The following AUTS2 variants were observed in gnomAD, a reference collection of about 807,000 sequenced individuals.
AUTS2 encodes the protein autism susceptibility gene 2 protein.
A neutral mutation model predicts 112.4 loss-of-function variants in AUTS2; 17 were observed. The ratio of observed to expected loss-of-function variants is 0.15; its 90% CI spans 0.10 to 0.23. AUTS2 has a LOEUF of 0.23. AUTS2 is among the 10% of genes least tolerant of loss of function. The probability of loss-of-function intolerance (pLI) is 1.00; values close to 1 mark genes in which losing one functional copy is unlikely to be tolerated. For synonymous variants in AUTS2, 751 were observed against 702.7 expected (o/e 1.07, Z -1.09); for missense variants, 1,510 against 1,701.6 (o/e 0.89, Z 1.98).
chr7:70,553,760 C>CTTTT (rs71531706), intron 5 of AUTS2, among the ~76,000 whole-genome samples: 2,099 of 56,014 alleles, frequency 0.037, 26 homozygotes, highest in African/African-American at 0.055. Flanking sequence ...GCCTTTCTTT[C>CTTTT]TTTTTTTTTT....
intron 2 of AUTS2, among the ~76,000 whole-genome samples, chr7:69,929,525 T>C (rs548197225): frequency 6.6e-6 from 1 of 152,130 alleles, no homozygotes; most frequent in Non-Finnish European, 1.5e-5. Flanking sequence ...TCCTAGAGTT[T>C]CCTGTGCTAC....
chr7:69,614,422 T>G (rs3886905), intron 1 of AUTS2, among the ~76,000 whole-genome samples: 62,735 of 104,654 alleles, frequency 0.6, 22,177 homozygotes, highest in East Asian at 0.7. Flanking sequence ...GCAGTAATCA[T>G]AGCTCACTGC....
intron 5 of AUTS2, among the ~76,000 whole-genome samples, chr7:70,464,343 C>T (rs1797090172): frequency 6.6e-6 from 1 of 152,188 alleles, no homozygotes; most frequent in African/African-American, 2.4e-5. Flanking sequence ...CCAAGTCACT[C>T]AGAGCAACGT....
intron 6 of AUTS2, among the ~76,000 whole-genome samples, chr7:70,724,411 T>C (rs1043366358): frequency 1.3e-5 from 2 of 150,874 alleles, no homozygotes; most frequent in South Asian, 2.1e-4. Context: ...CATCAGTTTA[T>C]TTTTGGAAGA....
chr7:70,034,430 A>G (rs997293496), intron 2 of AUTS2, among the ~76,000 whole-genome samples: 1 of 151,794 alleles, frequency 6.6e-6, no homozygotes, highest in Non-Finnish European at 1.5e-5. Flanking sequence ...TGTTTGTCAG[A>G]CTGAGGGAGG....
In AUTS2 at chr7:70,556,352, G is replaced by A. The variant is rs576940301; in HGVS notation, c.690+120571G>A. Among the ~76,000 whole-genome samples the A allele has an allele frequency of 4.6e-5, 7 of 152,228 alleles. No homozygotes were observed. In the South Asian group the frequency reaches 1.5e-3, roughly 32 times the overall value. ...ATTTTTAACCTGAGATTTAGGCAGG[G>A]ACAAATACCCAAACTATATCACTCA... On this transcript the variant is annotated intron_variant, in intron 5 of 18. Coordinates refer to ENST00000342771, the MANE Select transcript of AUTS2 (RefSeq NM_015570.4).
chr7:70,740,470 T>G (rs1383779195), intron 6 of AUTS2, among the ~76,000 whole-genome samples: 1 of 152,186 alleles, frequency 6.6e-6, no homozygotes. Context: ...TATGGCTCTT[T>G]ATGTCTTTCC....
At chr7:69,778,393 G>C (rs1037183191) in intron 1 of AUTS2, among the ~76,000 whole-genome samples, 2 of 151,436 alleles carry the variant, frequency 1.3e-5, no homozygotes, top group African/African-American at 4.9e-5. Context: ...GAATCACCCA[G>C]GGAGTTTAAA....
intron 4 of AUTS2, among the ~76,000 whole-genome samples, chr7:70,358,823 A>C (rs749903386): frequency 3.9e-5 from 6 of 152,224 alleles, no homozygotes; most frequent in Non-Finnish European, 1.5e-5. Flanking sequence ...TTCAGTCTTC[A>C]TAACCTCACA....
At chr7:69,653,902 C>G (rs192837500) in intron 1 of AUTS2, among the ~76,000 whole-genome samples, 5 of 152,296 alleles carry the variant, frequency 3.3e-5, no homozygotes, top group East Asian at 3.9e-4. Context: ...CCTTACTTCT[C>G]TCTGTCTCTA....
chr7:70,306,464 A>G lies in AUTS2; in HGVS notation c.661-129288A>G, dbSNP rs147978747. Among the ~76,000 whole-genome samples the G allele has an allele frequency of 2.5e-3, 388 of 152,356 alleles. 3 individuals carry two copies. Among genetic ancestry groups the G allele is most frequent in the African/African-American group, 8.8e-3 (365 of 41,586 alleles). On this transcript the variant is annotated intron_variant, in intron 4 of 18. Transcript: ENST00000342771. ...AAGAATGATGCAATTTGCATAATCAACTTTCACACTGAGTTTCCTGTAGCC... is the reference window on the plus strand; with the variant it reads ...AAGAATGATGCAATTTGCATAATCAGCTTTCACACTGAGTTTCCTGTAGCC...
chr7:70,673,051 A>C (rs757470500), intron 5 of AUTS2, among the ~76,000 whole-genome samples: 1 of 152,202 alleles, frequency 6.6e-6, no homozygotes, highest in African/African-American at 2.4e-5. Flanking sequence ...CCCAGCCTAG[A>C]AAGTCAGAGG....
At chr7:70,386,892 C>T (rs1193849115) in intron 4 of AUTS2, among the ~76,000 whole-genome samples, 1 of 152,072 alleles carries the variant, frequency 6.6e-6, no homozygotes, top group Non-Finnish European at 1.5e-5. Flanking sequence ...AGTCCTATGC[C>T]CCTTCCCAGA....
chr7:69,708,517 C>A (rs551942631), intron 1 of AUTS2, among the ~76,000 whole-genome samples: 2 of 152,136 alleles, frequency 1.3e-5, no homozygotes, highest in Non-Finnish European at 2.9e-5. Context: ...AGTGGCTCTT[C>A]CAAGGACACA....
intron 2 of AUTS2, among the ~76,000 whole-genome samples, chr7:69,998,836 A>G (rs1052920091): frequency 3.9e-5 from 6 of 152,176 alleles, no homozygotes; most frequent in Non-Finnish European, 7.3e-5. Context: ...AAAATTTTTA[A>G]TAAGGTGGTT....
chr7:70,265,071 T>C (rs150838985), intron 4 of AUTS2, among the ~76,000 whole-genome samples: 241 of 152,394 alleles, frequency 1.6e-3, no homozygotes, highest in African/African-American at 5.7e-3. Flanking sequence ...TTAGGATTAA[T>C]GATTTGTTTC....
chr7:70,774,734 A>T (rs1790578067), intron 12 of AUTS2: 1 of 152,522 alleles, frequency 6.6e-6, no homozygotes, highest in Non-Finnish European at 1.5e-5. Flanking sequence ...TCATCTTTAT[A>T]CGAAATATGA....
At chr7:70,592,021 A>G (rs1396662145) in intron 5 of AUTS2, among the ~76,000 whole-genome samples, 1 of 152,234 alleles carries the variant, frequency 6.6e-6, no homozygotes, top group African/African-American at 2.4e-5. Flanking sequence ...TAAATGCAAT[A>G]TATGCTCAAT....
At chr7:69,664,367 G>A (rs1483118436) in intron 1 of AUTS2, among the ~76,000 whole-genome samples, 2 of 152,048 alleles carry the variant, frequency 1.3e-5, no homozygotes, top group African/African-American at 4.8e-5. Flanking sequence ...AGTCAAAAGG[G>A]AAAAAAATGA....
Sources: allele counts gnomAD v4.1 joint callset (sites outside exome capture counted in the v4.1 genomes callset), GRCh38; gene constraint gnomAD v4.1.1; transcripts MANE v1.5; gene names NCBI Gene and HGNC (gene_info 2026-07-23, HGNC 2026-07-21).